Variants in NLRP8 observed in about 807,000 individuals in gnomAD.
NLRP8 encodes the protein NACHT, LRR and PYD domains-containing protein 8.
A neutral mutation model predicts 88.7 loss-of-function variants in NLRP8; 86 were observed. That is an observed-to-expected ratio of 0.97 (90% confidence interval 0.81 to 1.16). The LOEUF (loss-of-function observed/expected upper bound fraction) is 1.16, where lower values mean the gene tolerates loss of function less well. Among genes scored for constraint, NLRP8 ranks in the 50% most tolerant of loss-of-function variants. The pLI is 0.00. For synonymous variants in NLRP8, 504 were observed against 494.6 expected, an observed-to-expected ratio of 1.02 and a Z score of -0.25; for missense variants, 1,342 against 1,286.5, an observed-to-expected ratio of 1.04 and a Z score of -0.66.
rs202188806 is a variant in NLRP8, at chr19:55,961,997, C to T, written c.2043-70C>T. 3 of 1,522,380 alleles carry T rather than the reference C, an allele frequency of 2.0e-6. No individual in the cohort carries two copies. In the South Asian group the frequency reaches 3.6e-5, roughly 19 times the overall value. The allele number at this position is 1,522,380 out of a possible 1,614,324, so 94.3% of individuals were successfully genotyped here. A position where few individuals can be genotyped will look rare whatever the true frequency, so the allele number is the denominator to read the frequency against. The stretch of plus-strand genomic sequence containing the variant: ...CCTAACCAGGATAGGGAACACCAGC[C>T]CTGGGGTTTCCTAGTAGATTTTCTC... On this transcript the variant is annotated intron_variant, in intron 3 of 9. Transcript: ENST00000291971.
At chr19:55,974,691 G>T (rs551314234) in intron 7 of NLRP8, among the ~76,000 whole-genome samples, 5 of 148,586 alleles carry the variant, frequency 3.4e-5, no homozygotes, top group African/African-American at 7.5e-5. Flanking sequence ...AGCCAAGATC[G>T]CACCACTGCA....
rs763486245 is a variant in NLRP8, at chr19:55,979,379, G to A, written c.2877-15G>A. On this transcript the variant is annotated splice_polypyrimidine_tract_variant and intron_variant, in intron 8 of 9. Transcript: ENST00000291971. ...ATGACTTCTCTGCTGTCTGCTGTCTGTTTCTGTGTCACAGGCTGGAAAACT... is the reference window on the plus strand; with the variant it reads ...ATGACTTCTCTGCTGTCTGCTGTCTATTTCTGTGTCACAGGCTGGAAAACT... 1 of 1,613,014 alleles carries A rather than the reference G, an allele frequency of 6.2e-7. No homozygotes were observed. Among genetic ancestry groups the A allele is most frequent in the Non-Finnish European group, 8.5e-7 (1 of 1,179,974 alleles).
At position 55,954,978 on chromosome 19, in the gene NLRP8, G is replaced by C; in HGVS notation, c.920G>C (p.Arg307Thr). The C allele has an allele frequency of 6.2e-7, 1 of 1,614,130 alleles. No homozygotes were observed. The highest frequency in any genetic ancestry group is 8.5e-7 in the Non-Finnish European group (1 of 1,180,030). The change falls in exon 3 of 10, where the codon AGG (arginine) becomes ACG (threonine). Residue 307 changes from arginine to threonine, a missense_variant. Transcript: ENST00000291971. The stretch of plus-strand genomic sequence containing the variant: ...CTGGAGGACCTGAGTGAAGACTGGA[G>C]GCAGAAATTGCCTGGGTCTGTCCTA...
chr19:55,979,590 C>A, intron 9 of NLRP8, 26 bp downstream of exon 9: 1 of 1,612,744 alleles, frequency 6.2e-7, no homozygotes, highest in Non-Finnish European at 8.5e-7. Flanking sequence ...GTTTCCTGTG[C>A]AAAACCTACC....
chr19:55,979,329 CG>C, intron 8 of NLRP8, 64 bp from the exon 9 acceptor site: 1 of 1,571,618 alleles, frequency 6.4e-7, no homozygotes, highest in Non-Finnish European at 8.7e-7. Flanking sequence ...GCCGTCACAC[CG>C]GCTGAGCTCT....
At chr19:55,953,100 C>T (rs550608644) in intron 2 of NLRP8, among the ~76,000 whole-genome samples, 3 of 152,058 alleles carry the variant, frequency 2.0e-5, no homozygotes, top group Non-Finnish European at 4.4e-5. Flanking sequence ...CTATTGCTCA[C>T]ATTACCTCCT....
intron 7 of NLRP8, 56 bp from the exon 8 acceptor site, chr19:55,976,076 GT>G: frequency 3.6e-6 from 5 of 1,386,602 alleles, no homozygotes; most frequent in South Asian, 3.1e-5. Flanking sequence ...TGTTGTTGTT[GT>G]TGTTGTTTTG....
chr19:55,964,030 C>T (rs1271483800), intron 4 of NLRP8, among the ~76,000 whole-genome samples: 1 of 152,134 alleles, frequency 6.6e-6, no homozygotes, highest in Admixed American at 6.5e-5. Flanking sequence ...TCAAATCTGG[C>T]TCTAGAATCA....
In NLRP8 at chr19:55,976,238, G is replaced by T; in HGVS notation, c.2811G>T (p.Lys937Asn). ...TTGACCTAAGTTTTAATAGCCTGAA[G>T]GATGATGGGGTGATCCTGCTGTGTG... The change falls in exon 8 of 10, where the codon AAG becomes AAT. Residue 937 changes from lysine (K) to asparagine (N), a missense_variant. Physicochemically the swap from Lys to Asn is moderately conservative, Grantham distance 94. Transcript: ENST00000291971. 6.2e-7 allele frequency: 1 copy of T among 1,613,808 alleles called. No homozygotes were observed. Among genetic ancestry groups the T allele is most frequent in the East Asian group, 2.2e-5 (1 of 44,860 alleles).
At chr19:55,972,397 G>A (rs1980114393) in intron 6 of NLRP8, among the ~76,000 whole-genome samples, 1 of 150,646 alleles carries the variant, frequency 6.6e-6, no homozygotes. Context: ...TTACAGATGT[G>A]AGCCACTGCA....
chr19:55,952,751 C>T, intron 2 of NLRP8, 139 bp downstream of exon 2: 1 of 646,866 alleles, frequency 1.5e-6, no homozygotes, highest in East Asian at 2.9e-5. Context: ...CATGGCGAAA[C>T]TCTGTCTCTA....
Position 55,979,504 on chromosome 19 carries a change from A to G in NLRP8, c.2987A>G (p.Tyr996Cys), listed in dbSNP as rs535685641. The G allele has an allele frequency of 1.2e-6, 2 of 1,614,226 alleles. No individual in the cohort carries two copies. Among genetic ancestry groups the G allele is most frequent in the Admixed American group, 1.7e-5 (1 of 60,024 alleles). The change falls in exon 9 of 10, where the codon TAT becomes TGT. Residue 996 changes from tyrosine (Y) to cysteine (C), a missense_variant. By Grantham distance (194) the Tyr-to-Cys change is radical (BLOSUM62 -2). Coordinates refer to ENST00000291971, the MANE Select transcript of NLRP8 (RefSeq NM_176811.2). Reference sequence around the variant, plus strand: ...TTGAGCAAGAATGCGATTGGAGTCTATGGTATTCTGACCTTGTGCGAGGCC... The same window carrying G: ...TTGAGCAAGAATGCGATTGGAGTCTGTGGTATTCTGACCTTGTGCGAGGCC...
At chr19:55,972,850 T>G (rs1353147654) in intron 6 of NLRP8, among the ~76,000 whole-genome samples, 1 of 151,890 alleles carries the variant, frequency 6.6e-6, no homozygotes, top group African/African-American at 2.4e-5. Flanking sequence ...ACATTTTCTT[T>G]ATCCACTTGT....
chr19:55,956,077 C>T lies in NLRP8; in HGVS notation c.2019C>T (p.Ser673=), dbSNP rs137991910. Residue 673 remains serine, a synonymous_variant, in exon 3 of 10, where the codon AGC becomes AGT. Coordinates refer to ENST00000291971, the MANE Select transcript of NLRP8 (RefSeq NM_176811.2). ...ACTTCATGAACGTGTGGAAGCTCAG[C>T]TCCAGCTCCCATCCTGGCTCTGAGT... The T allele has an allele frequency of 7.4e-6, 12 of 1,612,976 alleles. No individual in the cohort carries two copies. In the African/African-American group the frequency reaches 1.2e-4, roughly 16 times the overall value.
chr19:55,955,515 C>A lies in NLRP8; in HGVS notation c.1457C>A (p.Ala486Asp), dbSNP rs1248999413. 1 of 1,614,190 alleles carries A rather than the reference C, an allele frequency of 6.2e-7. No homozygotes were observed. The highest frequency in any genetic ancestry group is 8.5e-7 in the Non-Finnish European group (1 of 1,180,024). ...AAGCTGGATCAGACGGGAGTCACCG[C>A]CTTCCTTGGCATGAGTATTCTTCGG... The change falls in exon 3 of 10, where the codon GCC becomes GAC. Residue 486 changes from alanine to aspartate, a missense_variant. By Grantham distance (126) the Ala-to-Asp change is moderately radical. Coordinates refer to ENST00000291971, the MANE Select transcript of NLRP8 (RefSeq NM_176811.2).
intron 9 of NLRP8, among the ~76,000 whole-genome samples, chr19:55,983,279 C>T (rs529884083): frequency 5.3e-5 from 8 of 151,936 alleles, no homozygotes; most frequent in South Asian, 2.1e-4. Flanking sequence ...GCATGGCCAA[C>T]GTGGTAAAAC....
chr19:55,965,660 A>ATT (rs35844922), intron 4 of NLRP8, among the ~76,000 whole-genome samples: 10 of 151,462 alleles, frequency 6.6e-5, no homozygotes, highest in South Asian at 2.1e-4. Context: ...ATTTTTTTAA[A>ATT]TTTTTTTTAT....
chr19:55,979,043 C>A (rs1030698307), intron 8 of NLRP8, among the ~76,000 whole-genome samples: 2 of 152,228 alleles, frequency 1.3e-5, no homozygotes, highest in African/African-American at 4.8e-5. Flanking sequence ...GCCCAGTCAA[C>A]TGTGAGTTAC....
In NLRP8 at chr19:55,986,502, ACACACACT is replaced by A. The variant is rs1183175206; in HGVS notation, c.3048-1311_3048-1304del. Among the ~76,000 whole-genome samples, 7 of 151,380 alleles carry A rather than the reference ACACACACT, an allele frequency of 4.6e-5. No homozygotes were observed. In the East Asian group the frequency reaches 5.8e-4, roughly 13 times the overall value. ...CACACACACACACACACACACACAC[ACACACACT>A]AATTGCTTCAGGACAGCCAGCTGAA... On this transcript the variant is annotated intron_variant, in intron 9 of 9. Transcript: ENST00000291971.
Sources: allele counts gnomAD v4.1 joint callset (sites outside exome capture counted in the v4.1 genomes callset), GRCh38; gene constraint gnomAD v4.1.1; transcripts MANE v1.5; gene names NCBI Gene and HGNC (gene_info 2026-07-23, HGNC 2026-07-21).